The following SLC18B1 variants were observed in gnomAD, a reference collection of about 807,000 sequenced individuals.
SLC18B1 encodes MFS-type transporter SLC18B1.
In SLC18B1, 62 loss-of-function variants were observed where a neutral mutation model predicts 53.9. The observed-to-expected ratio is 1.15, with a 90% CI of 0.94 to 1.42. The LOEUF is 1.42. Ranked by LOEUF, SLC18B1 falls within the 40% of genes most tolerant of loss-of-function variation. The pLI is 0.00. For missense variants in SLC18B1, 598 were observed against 547.3 expected, an observed-to-expected ratio of 1.09 and a Z score of -0.93; for synonymous variants, 217 against 200.9, an observed-to-expected ratio of 1.08 and a Z score of -0.68.
chr6:132,778,646 A>G lies in SLC18B1; in HGVS notation c.795+622T>C, dbSNP rs141843727. Among the ~76,000 whole-genome samples the G allele has an allele frequency of 2.1e-3, 324 of 152,308 alleles. 3 individuals carry two copies. The highest frequency in any genetic ancestry group is 7.4e-3 in the African/African-American group (308 of 41,568). On this transcript the variant is annotated intron_variant, in intron 7 of 13. Coordinates refer to ENST00000275227, the MANE Select transcript of SLC18B1 (RefSeq NM_052831.3). ...AGTCATTTTTGCCTTTTATCAACAC[A>G]TATTAATTCTCCAGTATAGTTAACT...
intron 5 of SLC18B1, among the ~76,000 whole-genome samples, chr6:132,785,354 T>C (rs972845147): frequency 1.3e-5 from 2 of 152,224 alleles, no homozygotes; most frequent in African/African-American, 4.8e-5. Flanking sequence ...AATTATTCTG[T>C]TTAAAGTTAA....
intron 5 of SLC18B1, among the ~76,000 whole-genome samples, chr6:132,784,321 A>G (rs954198982): frequency 6.6e-6 from 1 of 152,190 alleles, no homozygotes. Context: ...GACATAAAAC[A>G]CAGAAGATAA....
chr6:132,793,615 T>A (rs1249448903), intron 2 of SLC18B1, among the ~76,000 whole-genome samples: 2 of 152,216 alleles, frequency 1.3e-5, no homozygotes, highest in Non-Finnish European at 2.9e-5. Flanking sequence ...AGCTATTACA[T>A]TCCTTAAATG....
chr6:132,785,001 T>C (rs747493192), intron 5 of SLC18B1, among the ~76,000 whole-genome samples: 8 of 149,920 alleles, frequency 5.3e-5, no homozygotes, highest in Admixed American at 2.7e-4. Flanking sequence ...CTACCATTTG[T>C]GTAAAGAAAA....
chr6:132,784,830 G>A (rs150380444), intron 5 of SLC18B1, among the ~76,000 whole-genome samples: 5 of 152,188 alleles, frequency 3.3e-5, no homozygotes, highest in Non-Finnish European at 5.9e-5. Flanking sequence ...ATTCATCAAC[G>A]ATGTAAGTAA....
intron 9 of SLC18B1, 149 bp downstream of exon 9, chr6:132,774,073 T>C (rs1002640403): frequency 5.5e-5 from 26 of 469,198 alleles, no homozygotes; most frequent in Non-Finnish European, 9.7e-5. Context: ...GGGTAAAATA[T>C]TGTCAGCCTA....
chr6:132,789,946 A>C, intron 3 of SLC18B1, 109 bp from the exon 4 acceptor site: 1 of 729,006 alleles, frequency 1.4e-6, no homozygotes, highest in Non-Finnish European at 2.3e-6. Flanking sequence ...AGACATGTAC[A>C]GTTAATATAT....
chr6:132,788,668 C>T (rs912086013), intron 4 of SLC18B1, among the ~76,000 whole-genome samples: 4 of 151,632 alleles, frequency 2.6e-5, no homozygotes, highest in Admixed American at 1.3e-4. Flanking sequence ...TAAAAAAGTG[C>T]AAAAATTAGC....
At chr6:132,797,351 GA>G (rs1781721382) in intron 1 of SLC18B1, among the ~76,000 whole-genome samples, 2 of 152,238 alleles carry the variant, frequency 1.3e-5, no homozygotes, top group South Asian at 4.1e-4. Flanking sequence ...TGTAATCCCA[GA>G]ACTTTGGGAG....
chr6:132,774,008 A>G (rs1781040560), intron 9 of SLC18B1, among the ~76,000 whole-genome samples: 1 of 152,218 alleles, frequency 6.6e-6, no homozygotes, highest in Non-Finnish European at 1.5e-5. Flanking sequence ...CATTTTTGTC[A>G]TTTGAGACAG....
At chr6:132,780,574 T>TG (rs1781210551) in intron 6 of SLC18B1, among the ~76,000 whole-genome samples, 1 of 145,576 alleles carries the variant, frequency 6.9e-6, no homozygotes, top group Non-Finnish European at 1.5e-5. Flanking sequence ...AGTTTTTTTT[T>TG]TTTTTTTTTT....
intron 11 of SLC18B1, among the ~76,000 whole-genome samples, chr6:132,771,521 T>C (rs1780973825): frequency 1.3e-5 from 2 of 152,178 alleles, no homozygotes; most frequent in Admixed American, 6.5e-5. Flanking sequence ...AATGAATGAA[T>C]AAATGAATAA....
rs73550462 is a variant in SLC18B1, at chr6:132,779,183, G to A, written c.795+85C>T. 6,700 of 1,503,658 alleles carry A rather than the reference G, an allele frequency of 4.5e-3. 219 individuals carry two copies. In the African/African-American group the frequency reaches 0.073, roughly 16 times the overall value. 93.1% of individuals were successfully genotyped at this position (1,503,658 alleles called of 1,614,324 possible). On this transcript the variant is annotated intron_variant, in intron 7 of 13. Transcript: ENST00000275227. ...TACCTTCTTCTCCCAGCCACGCAAG[G>A]GTCTTTCCACAGAGCAGGGCCCAAG...
intron 1 of SLC18B1, among the ~76,000 whole-genome samples, chr6:132,797,599 A>G (rs1192536162): frequency 6.6e-6 from 1 of 152,172 alleles, no homozygotes; most frequent in Non-Finnish European, 1.5e-5. Context: ...CTCCGTCTCA[A>G]AAAAGCAAAA....
chr6:132,774,344 T>C (rs774304887), intron 8 of SLC18B1, 31 bp from the exon 9 acceptor site: 7 of 1,549,988 alleles, frequency 4.5e-6, no homozygotes. Flanking sequence ...TCAAAATGAT[T>C]CTTAGAGGCA....
At chr6:132,792,226 A>AAGAAAGAAAGAAAGAAAGAAG (rs1781542506) in intron 2 of SLC18B1, among the ~76,000 whole-genome samples, 1 of 676 alleles carries the variant, frequency 1.5e-3, no homozygotes, top group African/African-American at 4.3e-3. Context: ...AGACACTGTC[A>AAGAAAGAAAGAAAGAAAGAAG]GAAAGAAAGA....
chr6:132,778,114 G>C (rs1464646112), intron 7 of SLC18B1, among the ~76,000 whole-genome samples: 5 of 152,090 alleles, frequency 3.3e-5, no homozygotes, highest in African/African-American at 1.2e-4. Flanking sequence ...AAGGTGCAGG[G>C]TGGGGAATAT....
intron 6 of SLC18B1, among the ~76,000 whole-genome samples, chr6:132,782,667 T>C (rs1781267799): frequency 6.6e-6 from 1 of 152,102 alleles, no homozygotes; most frequent in African/African-American, 2.4e-5. Flanking sequence ...TAAAAGGTGG[T>C]AAAGAAATGG....
chr6:132,770,845 G>A, intron 13 of SLC18B1, 45 bp downstream of exon 13: 1 of 1,541,064 alleles, frequency 6.5e-7, no homozygotes. Context: ...CACTTGCACT[G>A]GCTAACTTTT....
Sources: allele counts gnomAD v4.1 joint callset (sites outside exome capture counted in the v4.1 genomes callset), GRCh38; gene constraint gnomAD v4.1.1; transcripts MANE v1.5; gene names NCBI Gene and HGNC (gene_info 2026-07-23, HGNC 2026-07-21).